Variants in GMDS observed in about 807,000 individuals in gnomAD.
GMDS encodes GDP-mannose 4,6 dehydratase.
A neutral mutation model predicts 49.9 loss-of-function variants in GMDS; 20 were observed. The observed-to-expected ratio is 0.40, with a 90% CI of 0.28 to 0.58. The LOEUF (loss-of-function observed/expected upper bound fraction) is 0.58, where lower values mean the gene tolerates loss of function less well. Ranked by LOEUF, GMDS falls within the 20% of genes least tolerant of loss-of-function variation. The pLI is 0.42. For missense variants in GMDS, 362 were observed against 481.4 expected, an observed-to-expected ratio of 0.75 and a Z score of 2.32; for synonymous variants, 177 against 178.6, an observed-to-expected ratio of 0.99 and a Z score of 0.07.
At chr6:1,725,959 A>T (rs1179552697) in intron 9 of GMDS, among the ~76,000 whole-genome samples, 3 of 152,224 alleles carry the variant, frequency 2.0e-5, no homozygotes, top group Non-Finnish European at 4.4e-5. Context: ...GAGTCTTATA[A>T]AAAGCAGGGG....
chr6:1,791,672 C>T (rs149029837), intron 7 of GMDS, among the ~76,000 whole-genome samples: 15 of 152,274 alleles, frequency 9.9e-5, no homozygotes, highest in African/African-American at 3.6e-4. Flanking sequence ...ATGGTTTGTT[C>T]CCTTCCTCCT....
intron 7 of GMDS, among the ~76,000 whole-genome samples, chr6:1,823,525 C>A (rs181908432): frequency 1.3e-5 from 2 of 152,272 alleles, no homozygotes; most frequent in Admixed American, 1.3e-4. Context: ...CTACAAATGG[C>A]AGGTTCATCT....
intron 7 of GMDS, among the ~76,000 whole-genome samples, chr6:1,798,729 A>C (rs2113652544): frequency 6.6e-6 from 1 of 152,292 alleles, no homozygotes; most frequent in East Asian, 1.9e-4. Context: ...AGCACTGTAA[A>C]GTTCTGTTTT....
chr6:1,907,657 C>T (rs1470721720), intron 7 of GMDS, among the ~76,000 whole-genome samples: 1 of 152,158 alleles, frequency 6.6e-6, no homozygotes, highest in African/African-American at 2.4e-5. Flanking sequence ...TTTAATGTTA[C>T]GAAGTCAGTC....
intron 4 of GMDS, among the ~76,000 whole-genome samples, chr6:2,059,074 G>C (rs1770952291): frequency 6.7e-6 from 1 of 149,780 alleles, no homozygotes; most frequent in Admixed American, 6.7e-5. Flanking sequence ...TACTTGGAAG[G>C]CTAAGCCAGG....
chr6:2,153,168 C>T (rs1776922890), intron 1 of GMDS, among the ~76,000 whole-genome samples: 1 of 152,130 alleles, frequency 6.6e-6, no homozygotes, highest in South Asian at 2.1e-4. Flanking sequence ...AGCTACAGCC[C>T]TACTTCATTC....
At chr6:1,786,797 T>TG (rs749560834) in intron 7 of GMDS, among the ~76,000 whole-genome samples, 19 of 125,022 alleles carry the variant, frequency 1.5e-4, no homozygotes, top group Non-Finnish European at 2.6e-4. Flanking sequence ...CAGTAATTTG[T>TG]GGTTTTTTTT....
In GMDS at chr6:2,124,714, A is replaced by G. The variant is rs745871356; in HGVS notation, c.120T>C (p.Ala40=). 13 of 1,613,632 alleles carry G rather than the reference A, an allele frequency of 8.1e-6. No individual in the cohort carries two copies. The South Asian group carries it at 1.3e-4, about 16-fold the overall frequency. The change falls in exon 2 of 11, where the codon GCT becomes GCC. Residue 40 remains alanine (A), a synonymous_variant. Transcript: ENST00000380815. ...GITGQDGSYL[A]EFLLEKGYEV... is the part of the protein sequence containing the mutation. Reference sequence around the variant, plus strand: ...CATAGCCTTTCTCCAGCAGGAACTCAGCCAGGTAGGAACCATCCTGGGGAG... The same window carrying G: ...CATAGCCTTTCTCCAGCAGGAACTCGGCCAGGTAGGAACCATCCTGGGGAG...
chr6:1,871,042 A>T (rs1758711620), intron 7 of GMDS, among the ~76,000 whole-genome samples: 1 of 145,206 alleles, frequency 6.9e-6, no homozygotes, highest in African/African-American at 2.7e-5. Context: ...CCACCCATCC[A>T]TATCACTATC....
rs115653114 is a variant in GMDS at position 2,032,264 on chromosome 6, C to A, written c.346-71298G>T. Among the ~76,000 whole-genome samples the A allele has an allele frequency of 3.9e-3, 588 of 152,252 alleles. 8 individuals carry two copies. Among genetic ancestry groups the A allele is most frequent in the African/African-American group, 0.013 (560 of 41,546 alleles). ...CAGTCTCTCTGTAATCAATGTCAAG[C>A]ATTTGAAAGGAAAGTAGCCCAGGTC... On this transcript the variant is annotated intron_variant, in intron 4 of 10. Coordinates refer to ENST00000380815, the MANE Select transcript of GMDS (RefSeq NM_001500.4).
At position 2,036,985 on chromosome 6, in the gene GMDS, G is replaced by A. The variant is rs147926965; in HGVS notation, c.346-76019C>T. 4.6e-5 allele frequency among the ~76,000 whole-genome samples: 7 copies of A among 152,298 alleles called. No individual in the cohort carries two copies. The East Asian group carries it at 9.7e-4, about 21-fold the overall frequency. Reference sequence around the variant, plus strand: ...GTACCTGGAGTTATCTTTTGGAGGCGAAAGGTAATGAGGTAGGAACAGCCT... The same window carrying A: ...GTACCTGGAGTTATCTTTTGGAGGCAAAAGGTAATGAGGTAGGAACAGCCT... On this transcript the variant is annotated intron_variant, in intron 4 of 10. Coordinates refer to ENST00000380815, the MANE Select transcript of GMDS (RefSeq NM_001500.4).
At chr6:1,902,289 G>T (rs752353380) in intron 7 of GMDS, among the ~76,000 whole-genome samples, 30 of 152,228 alleles carry the variant, frequency 2.0e-4, no homozygotes, top group South Asian at 4.1e-4. Flanking sequence ...AGAATAAAAG[G>T]CAATGGTAAA....
At chr6:1,772,714 A>G (rs1202602050) in intron 7 of GMDS, among the ~76,000 whole-genome samples, 1 of 152,184 alleles carries the variant, frequency 6.6e-6, no homozygotes. Context: ...TGGCTGAAAA[A>G]CTGGTCAGGG....
At chr6:2,022,964 T>C (rs1768367104) in intron 4 of GMDS, among the ~76,000 whole-genome samples, 1 of 152,208 alleles carries the variant, frequency 6.6e-6, no homozygotes, top group African/African-American at 2.4e-5. Flanking sequence ...GAGGGTTTTT[T>C]TAATTACTTA....
At chr6:1,800,159 G>A (rs1284944531) in intron 7 of GMDS, among the ~76,000 whole-genome samples, 1 of 152,024 alleles carries the variant, frequency 6.6e-6, no homozygotes, top group African/African-American at 2.4e-5. Flanking sequence ...TCTCGACAAG[G>A]TCTCCTGAAA....
chr6:2,060,104 C>A (rs1332187703), intron 4 of GMDS, among the ~76,000 whole-genome samples: 1 of 152,144 alleles, frequency 6.6e-6, no homozygotes, highest in Non-Finnish European at 1.5e-5. Flanking sequence ...AGTCATTAAA[C>A]CACAGAAGGG....
At chr6:1,696,111 G>A (rs545937671) in intron 9 of GMDS, among the ~76,000 whole-genome samples, 1 of 151,994 alleles carries the variant, frequency 6.6e-6, no homozygotes, top group East Asian at 1.9e-4. Flanking sequence ...GCAGGAGAGG[G>A]TGATTCTGTT....
At chr6:1,629,123 C>T (rs946943525) in intron 9 of GMDS, among the ~76,000 whole-genome samples, 4 of 152,086 alleles carry the variant, frequency 2.6e-5, no homozygotes, top group African/African-American at 7.2e-5. Flanking sequence ...TGGGAAATAA[C>T]AAAAAATGAA....
intron 1 of GMDS, among the ~76,000 whole-genome samples, chr6:2,223,166 CAT>C (rs753958443): frequency 6.6e-6 from 1 of 151,640 alleles, no homozygotes; most frequent in African/African-American, 2.4e-5. Context: ...TATATACACA[CAT>C]ATATATATAT....
Sources: gnomAD v4.1 joint callset for allele counts (sites outside exome capture counted in the v4.1 genomes callset) on GRCh38, gnomAD v4.1.1 for gene constraint, MANE v1.5 for transcripts, NCBI Gene and HGNC (gene_info 2026-07-23, HGNC 2026-07-21) for gene names.